Variants in NEMP2 observed in about 807,000 individuals in gnomAD.
NEMP2 encodes the protein UPF0571 transmembrane protein.
NEMP2 carries 53 observed loss-of-function variants against 54.2 expected under a neutral mutation model. The observed-to-expected ratio is 0.98, with a 90% CI of 0.78 to 1.23. The LOEUF (loss-of-function observed/expected upper bound fraction) is 1.23. NEMP2 is among the 50% of genes most tolerant of loss of function. NEMP2 has a pLI of 0.00. For synonymous variants in NEMP2, 197 were observed against 190.3 expected (o/e 1.04, Z -0.29); for missense variants, 455 against 511.3 (o/e 0.89, Z 1.06).
At chr2:190,593,638 G>T in the NEMP2 span, among the ~76,000 whole-genome samples, 1 of 152,142 alleles carries the variant, frequency 6.6e-6, no homozygotes, top group Non-Finnish European at 1.5e-5. This position sits in a 1 kb window ranked among gnomAD's most constrained non-coding sequence, Gnocchi z 4.5. Context: ...AACTCAGAGA[G>T]TTCTAGTACA....
chr2:190,514,782 TA>T lies in NEMP2; in HGVS notation c.728-105del, dbSNP rs1366722731. ...AAAGGTAAAAACTATTAGAGAACCT[TA>T]ATTTTTGTGTTTTTTACCCCATAAA... On this transcript the variant is annotated intron_variant, in intron 6 of 8. Coordinates refer to ENST00000409150, the MANE Select transcript of NEMP2 (RefSeq NM_001142645.2). This position sits in a 1 kb window ranked among gnomAD's most constrained non-coding sequence, Gnocchi z 5.7. The T allele has an allele frequency of 1.8e-6, 2 of 1,133,698 alleles. No homozygotes were observed. The highest frequency in any genetic ancestry group is 2.5e-5 in the Admixed American group (1 of 39,260). 70.2% of individuals were successfully genotyped at this position (1,133,698 alleles called of 1,614,324 possible).
At chr2:190,503,667 G>C (rs1559150754), downstream of NEMP2, among the ~76,000 whole-genome samples, 1 of 152,288 alleles carries the variant, frequency 6.6e-6, no homozygotes, top group African/African-American at 2.4e-5. This position sits in a 1 kb window ranked among gnomAD's most constrained non-coding sequence, Gnocchi z 6.3. Context: ...GGAGCATGGA[G>C]ACAAGACAAA....
At position 190,530,368 on chromosome 2, in the gene NEMP2, CCT is replaced by C. The variant is rs1691101537; in HGVS notation, c.97+4189_97+4190del. Reference sequence around the variant, plus strand: ...CTCTGGCTGCCCTTTTTTCTTATCACCTCTCTCCCGAGGTGAATGAGTCTCAA... The same window carrying C: ...CTCTGGCTGCCCTTTTTTCTTATCACCTCTCCCGAGGTGAATGAGTCTCAA... On this transcript the variant is annotated intron_variant, in intron 1 of 8. Coordinates refer to ENST00000409150, the MANE Select transcript of NEMP2 (RefSeq NM_001142645.2). This position sits in a 1 kb window ranked among gnomAD's most constrained non-coding sequence, Gnocchi z 4.6. 6.6e-6 allele frequency among the ~76,000 whole-genome samples: 1 copy of C among 152,160 alleles called. No individual in the cohort carries two copies.
At chr2:190,624,988 T>A in the NEMP2 span, 1 of 152,218 alleles carries the variant, frequency 6.6e-6, no homozygotes. Context: ...GAAATCTGAA[T>A]CCTCATTTAT....
At chr2:190,585,500 A>G in the NEMP2 span, among the ~76,000 whole-genome samples, 1 of 152,182 alleles carries the variant, frequency 6.6e-6, no homozygotes, top group Non-Finnish European at 1.5e-5. This position sits in a 1 kb window ranked among gnomAD's most constrained non-coding sequence, Gnocchi z 5.3. Context: ...CTTATGCCAG[A>G]TGCATGGCTC....
chr2:190,520,873 G>A lies in NEMP2; in HGVS notation c.214-1690C>T, dbSNP rs1200259206. Among the ~76,000 whole-genome samples the A allele has an allele frequency of 6.6e-6, 1 of 151,976 alleles. No homozygotes were observed. The highest frequency in any genetic ancestry group is 2.1e-4 in the South Asian group (1 of 4,814). On this transcript the variant is annotated intron_variant, in intron 2 of 8. Coordinates refer to ENST00000409150, the MANE Select transcript of NEMP2 (RefSeq NM_001142645.2). This position sits in a 1 kb window ranked among gnomAD's most constrained non-coding sequence, Gnocchi z 5.4. ...CCAAGGATCTGAACATCCTTCTCCTGCTCCTTACCCTCCTAATATCCTCAA... is the reference window on the plus strand; with the variant it reads ...CCAAGGATCTGAACATCCTTCTCCTACTCCTTACCCTCCTAATATCCTCAA...
chr2:190,534,024 T>A (rs553246602), intron 1 of NEMP2: 1 of 981,224 alleles, frequency 1.0e-6, no homozygotes, highest in East Asian at 1.2e-4. Context: ...GCCGCTCACG[T>A]GGGACCGTTA....
At chr2:190,474,547 A>C in the NEMP2 span, among the ~76,000 whole-genome samples, 15 of 152,064 alleles carry the variant, frequency 9.9e-5, no homozygotes, top group African/African-American at 2.2e-4. Flanking sequence ...AGACCAATAA[A>C]AGGCTCTGAA....
At chr2:190,606,099 T>C in the NEMP2 span, among the ~76,000 whole-genome samples, 1 of 152,360 alleles carries the variant, frequency 6.6e-6, no homozygotes, top group East Asian at 1.9e-4. Context: ...GTGATTTAAA[T>C]ACTCACTCAC....
At chr2:190,592,760 GTA>G in the NEMP2 span, among the ~76,000 whole-genome samples, 1 of 152,142 alleles carries the variant, frequency 6.6e-6, no homozygotes. The surrounding 1 kb of genome is among the most constrained non-coding windows in gnomAD (Gnocchi z 4.4). Context: ...ATAGTTGGCT[GTA>G]TCCACCCAAT....
the NEMP2 span, chr2:190,469,788 G>A: frequency 3.6e-5 from 58 of 1,605,532 alleles, no homozygotes; most frequent in South Asian, 7.8e-5. The surrounding 1 kb of genome is among the most constrained non-coding windows in gnomAD (Gnocchi z 5.3). Flanking sequence ...CCTGCAATAC[G>A]GCTCGCTATA....
At chr2:190,469,160 G>A in the NEMP2 span, among the ~76,000 whole-genome samples, 1 of 152,128 alleles carries the variant, frequency 6.6e-6, no homozygotes, top group African/African-American at 2.4e-5. This position sits in a 1 kb window ranked among gnomAD's most constrained non-coding sequence, Gnocchi z 5.3. Flanking sequence ...TTTAAAAGAT[G>A]AACATGTATC....
At chr2:190,566,750 AAAG>A in the NEMP2 span, among the ~76,000 whole-genome samples, 32 of 148,432 alleles carry the variant, frequency 2.2e-4, no homozygotes, top group South Asian at 4.3e-4. Flanking sequence ...AAAGAAAAAA[AAAG>A]AAAGGAAGGA....
chr2:190,443,393 A>C, the NEMP2 span, among the ~76,000 whole-genome samples: 1 of 152,182 alleles, frequency 6.6e-6, no homozygotes, highest in African/African-American at 2.4e-5. The surrounding 1 kb of genome is among the most constrained non-coding windows in gnomAD (Gnocchi z 4.2). Context: ...GATGAGATAA[A>C]ACATGGCAAT....
At chr2:190,572,152 C>G in the NEMP2 span, among the ~76,000 whole-genome samples, 1 of 151,934 alleles carries the variant, frequency 6.6e-6, no homozygotes, top group South Asian at 2.1e-4. Flanking sequence ...TCCAGAAAAG[C>G]AATATTTAAG....
the NEMP2 span, among the ~76,000 whole-genome samples, chr2:190,594,740 G>A: frequency 4.0e-4 from 61 of 152,092 alleles, no homozygotes; most frequent in Middle Eastern, 3.2e-3. The surrounding 1 kb of genome is among the most constrained non-coding windows in gnomAD (Gnocchi z 5.6). Context: ...GCTAATAAAC[G>A]TTTATTGAAC....
chr2:190,441,141 G>A, the NEMP2 span, among the ~76,000 whole-genome samples: 18 of 152,102 alleles, frequency 1.2e-4, no homozygotes, highest in African/African-American at 4.3e-4. Context: ...CCATCTCTTT[G>A]TGCCATCTTT....
chr2:190,468,668 A>G, the NEMP2 span, among the ~76,000 whole-genome samples: 1 of 145,488 alleles, frequency 6.9e-6, no homozygotes, highest in African/African-American at 2.6e-5. Flanking sequence ...TATGTTGCCC[A>G]GGCTGGTCTT....
chr2:190,446,322 T>C, the NEMP2 span, among the ~76,000 whole-genome samples: 1 of 152,188 alleles, frequency 6.6e-6, no homozygotes, highest in African/African-American at 2.4e-5. Context: ...GCAGGGTGTA[T>C]CCAAGGCTGC....
Sources: allele counts gnomAD v4.1 joint callset (sites outside exome capture counted in the v4.1 genomes callset), GRCh38; gene constraint gnomAD v4.1.1; non-coding constraint Gnocchi (gnomAD v3.1); transcripts MANE v1.5; gene names NCBI Gene and HGNC (gene_info 2026-07-23, HGNC 2026-07-21).